Variants in RANBP2 observed in about 807,000 individuals in gnomAD.
RANBP2 encodes the protein RAN binding protein 2.
Under a neutral mutation model 303.6 loss-of-function variants are expected in RANBP2, and 57 were observed. The observed-to-expected ratio is 0.19, with a 90% CI of 0.15 to 0.23. The LOEUF is 0.23. Ranked by LOEUF, RANBP2 falls within the 10% of genes least tolerant of loss-of-function variation. RANBP2 has a pLI of 1.00. For synonymous variants in RANBP2, 1,167 were observed against 1,301.5 expected, an observed-to-expected ratio of 0.90 and a Z score of 2.23; for missense variants, 3,138 against 3,780.8, an observed-to-expected ratio of 0.83 and a Z score of 4.46.
chr2:109,488,095 C>T, the RANBP2 span, among the ~76,000 whole-genome samples: 1 of 152,192 alleles, frequency 6.6e-6, no homozygotes, highest in Admixed American at 6.5e-5. Flanking sequence ...CGGCCAGCAG[C>T]CCCAGAGCCT....
the RANBP2 span, among the ~76,000 whole-genome samples, chr2:109,284,826 G>A: frequency 6.6e-6 from 1 of 152,202 alleles, no homozygotes; most frequent in South Asian, 2.1e-4. Flanking sequence ...TGTGTGTGGG[G>A]TGTGTGTGTT....
the RANBP2 span, among the ~76,000 whole-genome samples, chr2:109,529,928 C>T: frequency 6.6e-6 from 1 of 152,244 alleles, no homozygotes; most frequent in Non-Finnish European, 1.5e-5. Flanking sequence ...GAATGAGTCT[C>T]ATGTGCTAGG....
chr2:108,896,653 G>A, the RANBP2 span: 2,416 of 518,068 alleles, frequency 4.7e-3, 8 homozygotes, highest in Non-Finnish European at 5.6e-3. Flanking sequence ...TGGGCTGGCT[G>A]TATGAGTGAG....
chr2:109,543,228 G>A, the RANBP2 span: 1 of 152,494 alleles, frequency 6.6e-6, no homozygotes, highest in Non-Finnish European at 1.5e-5. Context: ...TTAATAAAAT[G>A]ATTCAACCTT....
chr2:109,402,892 C>T, the RANBP2 span, among the ~76,000 whole-genome samples: 1 of 152,140 alleles, frequency 6.6e-6, no homozygotes, highest in Non-Finnish European at 1.5e-5. Flanking sequence ...TAGAAAGGTC[C>T]AAACAGCAGG....
chr2:108,797,462 G>C, the RANBP2 span, among the ~76,000 whole-genome samples: 2 of 152,204 alleles, frequency 1.3e-5, no homozygotes, highest in African/African-American at 4.8e-5. Context: ...GCTGAAGCCA[G>C]TCTTAAGTGA....
the RANBP2 span, among the ~76,000 whole-genome samples, chr2:109,511,854 G>T: frequency 1.3e-5 from 2 of 152,168 alleles, no homozygotes; most frequent in Admixed American, 1.3e-4. Context: ...CTGCATCCTG[G>T]GAGAGCACAC....
At chr2:109,690,987 G>A in the RANBP2 span, among the ~76,000 whole-genome samples, 1 of 152,186 alleles carries the variant, frequency 6.6e-6, no homozygotes, top group African/African-American at 2.4e-5. Context: ...GGGACAGCCA[G>A]TTCTGCAGGT....
At chr2:109,695,880 G>C in the RANBP2 span, among the ~76,000 whole-genome samples, 3 of 152,074 alleles carry the variant, frequency 2.0e-5, no homozygotes, top group African/African-American at 2.4e-5. Flanking sequence ...TTTAGTTAGG[G>C]AGGACAGGAT....
chr2:109,606,552 A>G, the RANBP2 span, among the ~76,000 whole-genome samples: 2 of 151,932 alleles, frequency 1.3e-5, no homozygotes, highest in South Asian at 4.1e-4. Flanking sequence ...ACAGAAAAAT[A>G]TATCTTGACT....
the RANBP2 span, among the ~76,000 whole-genome samples, chr2:109,121,866 T>C: frequency 6.6e-6 from 1 of 152,200 alleles, no homozygotes; most frequent in Non-Finnish European, 1.5e-5. Flanking sequence ...CTCTAACTTA[T>C]GTGTCTAAAA....
chr2:109,550,472 C>G, the RANBP2 span, among the ~76,000 whole-genome samples: 1 of 151,708 alleles, frequency 6.6e-6, no homozygotes, highest in East Asian at 2.0e-4. Flanking sequence ...TGCCACCATG[C>G]CTGGCTAATT....
At chr2:109,334,695 G>A in the RANBP2 span, among the ~76,000 whole-genome samples, 2 of 152,182 alleles carry the variant, frequency 1.3e-5, no homozygotes, top group Non-Finnish European at 2.9e-5. Context: ...ACAGACACAG[G>A]GAGAAAAAGC....
At chr2:109,540,457 T>C in the RANBP2 span, among the ~76,000 whole-genome samples, 1 of 152,212 alleles carries the variant, frequency 6.6e-6, no homozygotes, top group Admixed American at 6.5e-5. Context: ...GGATGTATAG[T>C]TGAGAACTGC....
At chr2:109,184,707 C>T in the RANBP2 span, among the ~76,000 whole-genome samples, 1 of 152,206 alleles carries the variant, frequency 6.6e-6, no homozygotes, top group Non-Finnish European at 1.5e-5. Flanking sequence ...GAAGCAGCCT[C>T]TCCAAGTGCC....
the RANBP2 span, among the ~76,000 whole-genome samples, chr2:109,338,582 G>C: frequency 1.3e-5 from 2 of 152,112 alleles, no homozygotes; most frequent in Non-Finnish European, 2.9e-5. Flanking sequence ...TTTTGAGACA[G>C]AACCTCACTC....
chr2:109,582,659 A>G, the RANBP2 span, among the ~76,000 whole-genome samples: 3 of 152,144 alleles, frequency 2.0e-5, no homozygotes, highest in African/African-American at 7.2e-5. Flanking sequence ...GTCATTTTTC[A>G]CAGAATTAGA....
At chr2:109,642,224 CT>C in the RANBP2 span, among the ~76,000 whole-genome samples, 1 of 152,126 alleles carries the variant, frequency 6.6e-6, no homozygotes, top group South Asian at 2.1e-4. Context: ...CACCTGGCTG[CT>C]TTCAGCTTTA....
the RANBP2 span, among the ~76,000 whole-genome samples, chr2:108,797,953 C>T: frequency 3.3e-5 from 4 of 123,016 alleles, no homozygotes; most frequent in Non-Finnish European, 5.0e-5. Flanking sequence ...CCACTTTTCA[C>T]GGTGTGTGAT....
Sources: gnomAD v4.1 joint callset for allele counts (sites outside exome capture counted in the v4.1 genomes callset) on GRCh38, gnomAD v4.1.1 for gene constraint, MANE v1.5 for transcripts, NCBI Gene and HGNC (gene_info 2026-07-23, HGNC 2026-07-21) for gene names.